The following ASAP1 variants were observed in gnomAD, a reference collection of about 807,000 sequenced individuals.
ASAP1 encodes ArfGAP with SH3 domain, ankyrin repeat and PH domain 1.
Under a neutral mutation model 145.2 loss-of-function variants are expected in ASAP1, and 43 were observed. The ratio of observed to expected loss-of-function variants is 0.30; its 90% CI spans 0.23 to 0.38. The LOEUF is 0.38. Ranked by LOEUF, ASAP1 falls within the 10% of genes least tolerant of loss-of-function variation. The pLI is 1.00. For synonymous variants in ASAP1, 546 were observed against 515.5 expected, an observed-to-expected ratio of 1.06 and a Z score of -0.80; for missense variants, 1,018 against 1,355.3, an observed-to-expected ratio of 0.75 and a Z score of 3.91.
intron 2 of ASAP1, among the ~76,000 whole-genome samples, chr8:130,372,608 A>G (rs3924350): frequency 0.18 from 28,057 of 152,214 alleles, 2,702 homozygotes; most frequent in Non-Finnish European, 0.21. Context: ...TCAAGCCACA[A>G]TGACATAAGT....
At chr8:130,066,244 G>C (rs1342350554) in intron 27 of ASAP1, among the ~76,000 whole-genome samples, 1 of 152,206 alleles carries the variant, frequency 6.6e-6, no homozygotes, top group Non-Finnish European at 1.5e-5. Flanking sequence ...AGTCATTTCT[G>C]GATTTGAAAT....
At chr8:130,218,937 A>ATG (rs1817110756) in intron 4 of ASAP1, among the ~76,000 whole-genome samples, 2 of 152,204 alleles carry the variant, frequency 1.3e-5, no homozygotes, top group Admixed American at 1.3e-4. Flanking sequence ...TCACATATAT[A>ATG]TGTGTATATA....
chr8:130,369,571 T>C (rs759225368), intron 2 of ASAP1, among the ~76,000 whole-genome samples: 33 of 152,292 alleles, frequency 2.2e-4, no homozygotes, highest in African/African-American at 3.4e-4. Context: ...AGGGGTTAAA[T>C]AGACATTTCT....
chr8:130,080,004 C>T lies in ASAP1; in HGVS notation c.2573-33G>A, dbSNP rs557581643. The T allele has an allele frequency of 1.4e-5, 22 of 1,578,434 alleles. No homozygotes were observed. In the Admixed American group the frequency reaches 3.2e-4, roughly 23 times the overall value. On this transcript the variant is annotated intron_variant, in intron 25 of 29. Transcript: ENST00000518721. Reference sequence around the variant, plus strand: ...GAAAACCGAAGGTGAAAAGGTATGTCTTTAGATGGGGAAATGCAATGAGAA... The same window carrying T: ...GAAAACCGAAGGTGAAAAGGTATGTTTTTAGATGGGGAAATGCAATGAGAA...
At chr8:130,234,682 GAA>G (rs1818107407) in intron 4 of ASAP1, among the ~76,000 whole-genome samples, 1 of 151,108 alleles carries the variant, frequency 6.6e-6, no homozygotes, top group Admixed American at 6.6e-5. Context: ...GGAACATTTG[GAA>G]AAGAGTCACA....
At chr8:130,184,068 C>T (rs1487618384) in intron 7 of ASAP1, among the ~76,000 whole-genome samples, 2 of 152,128 alleles carry the variant, frequency 1.3e-5, no homozygotes, top group African/African-American at 2.4e-5. Context: ...AGAAGATTCA[C>T]ACAGAACTAA....
chr8:130,352,963 T>C (rs1826087695), intron 3 of ASAP1, among the ~76,000 whole-genome samples: 1 of 152,228 alleles, frequency 6.6e-6, no homozygotes, highest in Admixed American at 6.5e-5. Context: ...TAGGCTGCAT[T>C]TTTTGAGGGC....
chr8:130,276,204 G>A (rs1026860685), intron 3 of ASAP1, among the ~76,000 whole-genome samples: 3 of 152,136 alleles, frequency 2.0e-5, no homozygotes, highest in Non-Finnish European at 4.4e-5. Flanking sequence ...CTAGAGCTTC[G>A]TTCCTCATTT....
At chr8:130,149,744 A>G (rs1237954668) in intron 13 of ASAP1, among the ~76,000 whole-genome samples, 1 of 152,200 alleles carries the variant, frequency 6.6e-6, no homozygotes, top group Non-Finnish European at 1.5e-5. Context: ...TTGATTTTCA[A>G]TCTAATTCTA....
chr8:130,249,118 T>C (rs1030408840), intron 3 of ASAP1, among the ~76,000 whole-genome samples: 7 of 152,116 alleles, frequency 4.6e-5, no homozygotes, highest in African/African-American at 1.7e-4. Context: ...CTTTAGGACT[T>C]AATCATGCCC....
At chr8:130,246,283 ACT>A (rs1199196688) in intron 3 of ASAP1, among the ~76,000 whole-genome samples, 15 of 151,916 alleles carry the variant, frequency 9.9e-5, no homozygotes, top group African/African-American at 3.6e-4. Context: ...TCATTAAACC[ACT>A]CTGCCTTTTG....
intron 3 of ASAP1, among the ~76,000 whole-genome samples, chr8:130,304,241 T>A (rs573667983): frequency 6.6e-6 from 1 of 151,774 alleles, no homozygotes; most frequent in East Asian, 1.9e-4. Context: ...ATGTTAGAAC[T>A]GATTATATAT....
At chr8:130,418,287 C>T (rs1023468940) in intron 1 of ASAP1, among the ~76,000 whole-genome samples, 3 of 152,188 alleles carry the variant, frequency 2.0e-5, no homozygotes, top group African/African-American at 7.2e-5. Flanking sequence ...CGGTCGCACA[C>T]ACCTGTAATC....
intron 3 of ASAP1, among the ~76,000 whole-genome samples, chr8:130,308,621 C>T (rs1823134882): frequency 6.6e-6 from 1 of 152,074 alleles, no homozygotes; most frequent in Admixed American, 6.5e-5. Flanking sequence ...ATGGAGAATC[C>T]GGAAATCATT....
intron 5 of ASAP1, among the ~76,000 whole-genome samples, chr8:130,198,134 ATTTTT>A (rs200376344): frequency 7.2e-6 from 1 of 139,762 alleles, no homozygotes; most frequent in Non-Finnish European, 1.6e-5. Flanking sequence ...TTTTCATAAG[ATTTTT>A]TTTTTTTTTT....
chr8:130,132,556 G>C (rs1564997568), intron 15 of ASAP1, among the ~76,000 whole-genome samples: 1 of 152,150 alleles, frequency 6.6e-6, no homozygotes. Flanking sequence ...AACAACCCCA[G>C]GAAACCATGA....
At chr8:130,282,960 C>T (rs759530336) in intron 3 of ASAP1, among the ~76,000 whole-genome samples, 1 of 152,198 alleles carries the variant, frequency 6.6e-6, no homozygotes, top group Non-Finnish European at 1.5e-5. Context: ...CTTTAGCTGG[C>T]TTTTGCCAAT....
At chr8:130,398,322 G>C (rs1455304583) in intron 2 of ASAP1, among the ~76,000 whole-genome samples, 3 of 152,174 alleles carry the variant, frequency 2.0e-5, no homozygotes, top group Non-Finnish European at 4.4e-5. Context: ...CATCTGACAA[G>C]TTACTATCCT....
intron 5 of ASAP1, among the ~76,000 whole-genome samples, chr8:130,198,269 C>G (rs1815639645): frequency 6.6e-6 from 1 of 151,882 alleles, no homozygotes; most frequent in South Asian, 2.1e-4. Context: ...GGACTACAGG[C>G]ACCTGCCACC....
Sources: allele counts gnomAD v4.1 joint callset (sites outside exome capture counted in the v4.1 genomes callset), GRCh38; gene constraint gnomAD v4.1.1; transcripts MANE v1.5; gene names NCBI Gene and HGNC (gene_info 2026-07-23, HGNC 2026-07-21).